OPA3: variants seen among roughly 807,000 people sequenced by gnomAD.
OPA3 encodes outer mitochondrial membrane lipid metabolism regulator OPA3.
OPA3 carries 6 observed loss-of-function variants against 4.0 expected under a neutral mutation model. The ratio of observed to expected loss-of-function variants is 1.51; its 90% confidence interval spans 0.83 to 2.99. The LOEUF is 2.99. Among genes scored for constraint, OPA3 ranks in the 30% most tolerant of loss-of-function variants. The pLI is 0.00. For missense variants in OPA3, 235 were observed against 256.2 expected (o/e 0.92, Z 0.56); for synonymous variants, 105 against 117.1 (o/e 0.90, Z 0.67).
chr19:45,582,816 A>T (rs1171718797), intron 1 of OPA3, among the ~76,000 whole-genome samples: 1 of 152,194 alleles, frequency 6.6e-6, no homozygotes, highest in East Asian at 1.9e-4. Context: ...CTCCAGCTGC[A>T]TGACTCCTAA....
intron 1 of OPA3, among the ~76,000 whole-genome samples, chr19:45,559,964 T>G (rs534252306): frequency 7.9e-5 from 12 of 152,090 alleles, no homozygotes; most frequent in Non-Finnish European, 1.6e-4. Context: ...TTATCAAAAC[T>G]GGGGGTCAAA....
At chr19:45,557,003 C>A (rs942601961) in intron 1 of OPA3, among the ~76,000 whole-genome samples, 3 of 152,228 alleles carry the variant, frequency 2.0e-5, no homozygotes, top group Non-Finnish European at 4.4e-5. Context: ...ACTCGCCAGA[C>A]CTGGTGGTGG....
rs373431410 is a variant in OPA3 at position 45,563,676 on chromosome 19, C to T, written c.143-9765G>A. On this transcript the variant is annotated intron_variant, in intron 1 of 1. Coordinates refer to ENST00000263275, the MANE Select transcript of OPA3 (RefSeq NM_025136.4). ...GATCAAACAGTCCTCCCACCTCAGCCTCCCAAGTAGCTGGGACTACAGGCG... is the reference window on the plus strand; with the variant it reads ...GATCAAACAGTCCTCCCACCTCAGCTTCCCAAGTAGCTGGGACTACAGGCG... Among the ~76,000 whole-genome samples, 77 of 151,948 alleles carry T rather than the reference C, an allele frequency of 5.1e-4. No homozygotes were observed. In the East Asian group the frequency reaches 0.011, roughly 23 times the overall value.
At chr19:45,534,364 C>G (rs1168807166) in intron 1 of OPA3, among the ~76,000 whole-genome samples, 1 of 151,980 alleles carries the variant, frequency 6.6e-6, no homozygotes, top group Non-Finnish European at 1.5e-5. Flanking sequence ...GAGTTCCAGA[C>G]CAGCCTGGCC....
chr19:45,554,738 C>T (rs1969395320), intron 1 of OPA3, among the ~76,000 whole-genome samples: 1 of 152,204 alleles, frequency 6.6e-6, no homozygotes. Context: ...GCAACATCTC[C>T]TTTTACTTTT....
In OPA3 at chr19:45,547,076, G is replaced by A. The variant is rs1188435135; in HGVS notation, c.*6438C>T. 1 of 152,258 alleles carries A rather than the reference G, an allele frequency of 6.6e-6. No individual in the cohort carries two copies. The highest frequency in any genetic ancestry group is 2.4e-5 in the African/African-American group (1 of 41,424). The allele number at this position is 152,258 out of a possible 1,614,324, so 9.4% of individuals were successfully genotyped here. A position where few individuals can be genotyped will look rare whatever the true frequency, so the allele number is the denominator to read the frequency against. On this transcript the variant is annotated 3_prime_UTR_variant, in exon 2 of 2. Transcript: ENST00000263275. ...GAGCACTGGGGTCATTTCCTATGGG[G>A]AAGGAGGGAGGGAGGGAGGACTCCA...
At chr19:45,557,984 C>G (rs1969445955) in intron 1 of OPA3, among the ~76,000 whole-genome samples, 1 of 152,160 alleles carries the variant, frequency 6.6e-6, no homozygotes, top group African/African-American at 2.4e-5. Flanking sequence ...CCGGCCCCAG[C>G]CTCACCCCTC....
intron 1 of OPA3, among the ~76,000 whole-genome samples, chr19:45,572,470 TATA>T (rs1432327626): frequency 2.2e-5 from 3 of 134,826 alleles, no homozygotes; most frequent in South Asian, 2.3e-4. Flanking sequence ...TCATATATCA[TATA>T]ATAATCATAT....
intron 1 of OPA3, among the ~76,000 whole-genome samples, chr19:45,534,672 GC>G (rs1193284609): frequency 6.8e-6 from 1 of 147,324 alleles, no homozygotes; most frequent in Non-Finnish European, 1.5e-5. Flanking sequence ...TTGCTCTGTT[GC>G]CCAGGCTGGA....
chr19:45,581,186 CTG>C (rs1185733872), intron 1 of OPA3, among the ~76,000 whole-genome samples: 3 of 152,140 alleles, frequency 2.0e-5, no homozygotes, highest in Non-Finnish European at 4.4e-5. Flanking sequence ...ACTTTGGTAA[CTG>C]TGAAATCTAA....
intron 1 of OPA3, among the ~76,000 whole-genome samples, chr19:45,577,551 T>A (rs1010612099): frequency 1.3e-5 from 2 of 152,340 alleles, no homozygotes; most frequent in African/African-American, 4.8e-5. Flanking sequence ...CTGTCCAACC[T>A]GCCCCTCCTC....
intron 1 of OPA3, among the ~76,000 whole-genome samples, chr19:45,570,636 G>A (rs1413077281): frequency 6.6e-6 from 1 of 152,034 alleles, no homozygotes; most frequent in East Asian, 1.9e-4. Flanking sequence ...GCAGCGAGCT[G>A]AGATTGAACC....
rs1326159312 is a variant in OPA3 at position 45,529,344 on chromosome 19, G to A, written c.255C>T (p.Gly85=). ...AGGCGGTGATGAAGATGATGCCCTC[G>A]CCCAGCAGCTCCGCGCCCAGCTCGG... Residue 85 remains glycine (G), a synonymous_variant, in exon 2 of 2, where the codon GGC becomes GGT. Transcript: ENST00000323060. 5 of 1,614,152 alleles carry A rather than the reference G, an allele frequency of 3.1e-6. No homozygotes were observed. In the South Asian group the frequency reaches 3.3e-5, roughly 11 times the overall value.
intron 1 of OPA3, among the ~76,000 whole-genome samples, chr19:45,562,875 C>T (rs1298560700): frequency 6.6e-6 from 1 of 152,080 alleles, no homozygotes; most frequent in African/African-American, 2.4e-5. Context: ...ATGTTATCAT[C>T]CGGAGACTCT....
chr19:45,550,730 T>C lies in OPA3; in HGVS notation c.*2784A>G. ...TGATTTTAATAAGCTCTGTACCCAT[T>C]GTGGAGATCCACATGGTGGTTCAGG... On this transcript the variant is annotated 3_prime_UTR_variant, in exon 2 of 2. Coordinates refer to ENST00000263275, the MANE Select transcript of OPA3 (RefSeq NM_025136.4). 1 of 985,892 alleles carries C rather than the reference T, an allele frequency of 1.0e-6. No homozygotes were observed. Among genetic ancestry groups the C allele is most frequent in the Non-Finnish European group, 1.2e-6 (1 of 830,008 alleles). 61.1% of individuals were successfully genotyped at this position (985,892 alleles called of 1,614,324 possible). A position where few individuals can be genotyped will look rare whatever the true frequency, so the allele number is the denominator to read the frequency against.
intron 1 of OPA3, chr19:45,584,232 T>C: frequency 1.8e-6 from 1 of 566,362 alleles, no homozygotes; most frequent in Non-Finnish European, 2.2e-6. Flanking sequence ...GCTTTTGAAA[T>C]GAAGTTGCCC....
intron 1 of OPA3, among the ~76,000 whole-genome samples, chr19:45,573,815 T>C (rs1969724035): frequency 6.6e-6 from 1 of 152,128 alleles, no homozygotes; most frequent in South Asian, 2.1e-4. Flanking sequence ...AGGATCTGAG[T>C]GCACGAAGTC....
At chr19:45,570,480 C>T (rs908229675) in intron 1 of OPA3, among the ~76,000 whole-genome samples, 18 of 152,046 alleles carry the variant, frequency 1.2e-4, no homozygotes, top group East Asian at 1.9e-4. Flanking sequence ...GTCAGGAGTT[C>T]GAGACCAGCC....
intron 1 of OPA3, among the ~76,000 whole-genome samples, chr19:45,562,894 G>T (rs1345586729): frequency 6.6e-6 from 1 of 152,126 alleles, no homozygotes; most frequent in African/African-American, 2.4e-5. Flanking sequence ...CTGGGTGAAA[G>T]GTATGTGGGA....
Sources: gnomAD v4.1 joint callset for allele counts (sites outside exome capture counted in the v4.1 genomes callset) on GRCh38, gnomAD v4.1.1 for gene constraint, MANE v1.5 for transcripts, NCBI Gene and HGNC (gene_info 2026-07-23, HGNC 2026-07-21) for gene names.